The following ZNF33B variants were observed in gnomAD, a reference collection of about 807,000 sequenced individuals.
ZNF33B encodes zinc finger protein 11b (KOX 2).
In ZNF33B, 29 loss-of-function variants were observed where a neutral mutation model predicts 45.8. That is an observed-to-expected ratio of 0.63 (90% CI 0.47 to 0.86). The LOEUF (loss-of-function observed/expected upper bound fraction) is 0.86, where lower values mean the gene tolerates loss of function less well. ZNF33B is among the 40% of genes least tolerant of loss of function. ZNF33B has a pLI of 0.00. For synonymous variants in ZNF33B, 305 were observed against 307.8 expected (o/e 0.99, Z 0.10); for missense variants, 831 against 909.9 (o/e 0.91, Z 1.12).
chr10:42,607,422 T>C (rs1837908966), intron 4 of ZNF33B, among the ~76,000 whole-genome samples: 1 of 152,160 alleles, frequency 6.6e-6, no homozygotes, highest in Non-Finnish European at 1.5e-5. Context: ...AATTACCTGA[T>C]GGGTGCAATG....
Position 42,593,244 on chromosome 10 carries a change from G to C in ZNF33B, c.1706C>G (p.Ser569Cys), listed in dbSNP as rs766427628. The change falls in exon 5 of 5, where the codon TCT becomes TGT. Residue 569 changes from serine to cysteine, a missense_variant. Coordinates refer to ENST00000359467, the MANE Select transcript of ZNF33B (RefSeq NM_006955.3). ...CCCCGTGTGTGTTCTATAATGTTGA[G>C]AGAGGGTTGACTTATGGCTAAAGAA... ...GKFFSHKSTL[S>C]QHYRTHTGEK... The C allele has an allele frequency of 1.2e-6, 2 of 1,613,886 alleles. No individual in the cohort carries two copies. Among genetic ancestry groups the C allele is most frequent in the East Asian group, 4.5e-5 (2 of 44,880 alleles).
chr10:42,605,371 T>C (rs1462300120), intron 4 of ZNF33B: 1 of 151,722 alleles, frequency 6.6e-6, no homozygotes, highest in Non-Finnish European at 1.5e-5. Context: ...GGGAATGTCC[T>C]AAGATTAACA....
intron 4 of ZNF33B, among the ~76,000 whole-genome samples, chr10:42,625,600 A>G (rs553268823): frequency 3.3e-5 from 5 of 152,250 alleles, no homozygotes; most frequent in East Asian, 1.9e-4. Flanking sequence ...CTGCCTCCCA[A>G]GTAGCTGGGA....
At chr10:42,585,010 C>T (rs745868931), downstream of ZNF33B, among the ~76,000 whole-genome samples, 1 of 152,208 alleles carries the variant, frequency 6.6e-6, no homozygotes, top group South Asian at 2.1e-4. Context: ...CTCACCATCC[C>T]ATCTGGCTCC....
chr10:42,632,222 G>C (rs1454715697), intron 3 of ZNF33B, 73 bp downstream of exon 3: 4 of 1,558,198 alleles, frequency 2.6e-6, no homozygotes, highest in East Asian at 2.3e-5. Flanking sequence ...CATTAAACTA[G>C]ACAGACTGCC....
rs745614314 is a variant in ZNF33B at position 42,592,588 on chromosome 10, T to A, written c.*25A>T. 2 of 1,598,376 alleles carry A rather than the reference T, an allele frequency of 1.3e-6. No individual in the cohort carries two copies. Among genetic ancestry groups the A allele is most frequent in the Non-Finnish European group, 8.5e-7 (1 of 1,172,106 alleles). On this transcript the variant is annotated 3_prime_UTR_variant, in exon 5 of 5. Transcript: ENST00000359467. Reference sequence around the variant, plus strand: ...CTGAGGCATTATGGAGGCTGACTTGTGGCTGGAAATTTCTAATATCCAATT... The same window carrying A: ...CTGAGGCATTATGGAGGCTGACTTGAGGCTGGAAATTTCTAATATCCAATT...
At chr10:42,617,343 A>G (rs1838370295) in intron 4 of ZNF33B, among the ~76,000 whole-genome samples, 1 of 151,428 alleles carries the variant, frequency 6.6e-6, no homozygotes, top group Admixed American at 6.6e-5. Flanking sequence ...AGCTCAAGTG[A>G]TCCACCCACC....
Position 42,593,114 on chromosome 10 carries a change from A to G in ZNF33B, c.1836T>C (p.Asn612=). 1 of 1,613,776 alleles carries G rather than the reference A, an allele frequency of 6.2e-7. No individual in the cohort carries two copies. The highest frequency in any genetic ancestry group is 8.5e-7 in the Non-Finnish European group (1 of 1,179,948). The change falls in exon 5 of 5, where the codon AAT becomes AAC. Residue 612 remains asparagine (N), a synonymous_variant. Transcript: ENST00000359467. The part of the protein sequence containing the change: ...THTGEKPYEC[N]ECGKTFCQKS... ...TCTGGCAGAAGGTTTTTCCACATTCATTACATTCATAGGGTTTCTCCCCTG... is the reference window on the plus strand; with the variant it reads ...TCTGGCAGAAGGTTTTTCCACATTCGTTACATTCATAGGGTTTCTCCCCTG...
intron 4 of ZNF33B, among the ~76,000 whole-genome samples, chr10:42,598,892 C>T (rs1837505452): frequency 6.6e-6 from 1 of 152,108 alleles, no homozygotes; most frequent in African/African-American, 2.4e-5. Flanking sequence ...TAGGGCAATG[C>T]TGGACTCAAA....
intron 2 of ZNF33B, among the ~76,000 whole-genome samples, chr10:42,635,536 C>T (rs761252335): frequency 2.0e-5 from 3 of 152,044 alleles, no homozygotes; most frequent in African/African-American, 7.2e-5. Context: ...AAATAAGATT[C>T]ATTAAAAATT....
At chr10:42,630,608 C>A (rs190683692) in intron 4 of ZNF33B, among the ~76,000 whole-genome samples, 1 of 152,272 alleles carries the variant, frequency 6.6e-6, no homozygotes, top group African/African-American at 2.4e-5. Flanking sequence ...TTTCCAAATA[C>A]TGAAAGAATC....
In ZNF33B at chr10:42,609,333, T is replaced by C. The variant is rs572745135; in HGVS notation, c.251-14634A>G. On this transcript the variant is annotated intron_variant, in intron 4 of 4. Transcript: ENST00000359467. Reference sequence around the variant, plus strand: ...ACTTGGGAGGCTGAGGTGGGAAAATTGCCTGAGCCTGGGAAGTCAGGCTGC... The same window carrying C: ...ACTTGGGAGGCTGAGGTGGGAAAATCGCCTGAGCCTGGGAAGTCAGGCTGC... Among the ~76,000 whole-genome samples the C allele has an allele frequency of 6.5e-4, 99 of 152,122 alleles. 2 individuals are homozygous for C. The highest frequency in any genetic ancestry group is 2.2e-3 in the African/African-American group (93 of 41,504).
intron 2 of ZNF33B, among the ~76,000 whole-genome samples, chr10:42,635,726 C>T (rs562853399): frequency 6.7e-6 from 1 of 150,160 alleles, no homozygotes; most frequent in Non-Finnish European, 1.5e-5. Flanking sequence ...AGGAGAATCA[C>T]TTGAACCAGG....
intron 4 of ZNF33B, among the ~76,000 whole-genome samples, chr10:42,617,359 C>T (rs1838371013): frequency 6.6e-6 from 1 of 151,874 alleles, no homozygotes; most frequent in Non-Finnish European, 1.5e-5. Flanking sequence ...CCACCTTGGC[C>T]TCCCAAAGTG....
chr10:42,599,840 T>G (rs1414902303), intron 4 of ZNF33B, among the ~76,000 whole-genome samples: 1 of 152,108 alleles, frequency 6.6e-6, no homozygotes, highest in Non-Finnish European at 1.5e-5. Flanking sequence ...TATTTTATAT[T>G]TCCTATGAAT....
intron 1 of ZNF33B, among the ~76,000 whole-genome samples, chr10:42,578,069 G>A (rs867058000): frequency 8.4e-6 from 1 of 118,628 alleles, no homozygotes; most frequent in South Asian, 2.9e-4. Flanking sequence ...GGGGCTCTCA[G>A]CTGGGGAAAT....
chr10:42,617,573 C>T (rs1289324282), intron 4 of ZNF33B, among the ~76,000 whole-genome samples: 2 of 152,164 alleles, frequency 1.3e-5, no homozygotes, highest in Non-Finnish European at 2.9e-5. Flanking sequence ...ACAAGTTTCA[C>T]ATGCATTAGT....
In ZNF33B at chr10:42,591,360, C is replaced by G. The variant is rs1362957472; in HGVS notation, c.*1253G>C. The G allele has an allele frequency of 4.6e-6, 2 of 436,070 alleles. No individual in the cohort carries two copies. The highest frequency in any genetic ancestry group is 3.1e-4 in the East Asian group (2 of 6,354). The allele number at this position is 436,070 out of a possible 1,614,324, so 27.0% of individuals were successfully genotyped here. On this transcript the variant is annotated 3_prime_UTR_variant, in exon 5 of 5. Coordinates refer to ENST00000359467, the MANE Select transcript of ZNF33B (RefSeq NM_006955.3). ...CAGGCAGTTCATGGCATGGGATGAG[C>G]CACAGGTAGTAAGAGAAAGGGAGTA...
intron 4 of ZNF33B, among the ~76,000 whole-genome samples, chr10:42,595,343 C>A (rs1190282998): frequency 3.3e-5 from 5 of 152,032 alleles, no homozygotes; most frequent in Admixed American, 6.6e-5. Context: ...ACTGGGAAAT[C>A]CAAGAGAAGA....
Sources: gnomAD v4.1 joint callset for allele counts (sites outside exome capture counted in the v4.1 genomes callset) on GRCh38, gnomAD v4.1.1 for gene constraint, MANE v1.5 for transcripts, NCBI Gene and HGNC (gene_info 2026-07-23, HGNC 2026-07-21) for gene names.